Variants in TANC2 observed in about 807,000 individuals in gnomAD.
TANC2 encodes protein TANC2.
TANC2 carries 26 observed loss-of-function variants against 210.5 expected under a neutral mutation model. That is an observed-to-expected ratio of 0.12 (90% CI 0.09 to 0.17). TANC2 has a LOEUF of 0.17. Ranked by LOEUF, TANC2 falls within the 10% of genes least tolerant of loss-of-function variation. The pLI is 1.00. For synonymous variants in TANC2, 931 were observed against 967.1 expected, an observed-to-expected ratio of 0.96 and a Z score of 0.69; for missense variants, 2,129 against 2,608.9, an observed-to-expected ratio of 0.82 and a Z score of 4.01.
At chr17:63,132,210 G>A (rs2038942562) in intron 4 of TANC2, among the ~76,000 whole-genome samples, 1 of 151,734 alleles carries the variant, frequency 6.6e-6, no homozygotes, top group South Asian at 2.1e-4. Context: ...ATATTTTGCA[G>A]CACTGCTTCT....
intron 26 of TANC2, among the ~76,000 whole-genome samples, chr17:63,416,872 A>G (rs531174767): frequency 1.2e-3 from 184 of 152,314 alleles, no homozygotes; most frequent in South Asian, 2.1e-3. Context: ...ACAGATTTTC[A>G]TGCTCTTGGG....
At chr17:63,259,887 A>G (rs2043306121) in intron 8 of TANC2, among the ~76,000 whole-genome samples, 1 of 152,098 alleles carries the variant, frequency 6.6e-6, no homozygotes, top group Admixed American at 6.5e-5. Context: ...TTATTTTCTT[A>G]TGAAAAATAG....
chr17:63,047,384 T>G (rs1274273167), intron 2 of TANC2, among the ~76,000 whole-genome samples: 1 of 152,146 alleles, frequency 6.6e-6, no homozygotes, highest in Non-Finnish European at 1.5e-5. Context: ...CAGTTATTTG[T>G]GGATATATGT....
At chr17:63,101,650 A>G (rs996758972) in intron 4 of TANC2, among the ~76,000 whole-genome samples, 1 of 152,212 alleles carries the variant, frequency 6.6e-6, no homozygotes, top group South Asian at 2.1e-4. Context: ...GCCTTCAAGG[A>G]TTTTATATTT....
intron 3 of TANC2, among the ~76,000 whole-genome samples, chr17:63,098,266 G>C (rs1448758283): frequency 6.6e-6 from 1 of 151,956 alleles, no homozygotes. Flanking sequence ...ATGCAAAACT[G>C]TCTTAATTTA....
chr17:63,312,359 T>C (rs1293033555), intron 9 of TANC2, among the ~76,000 whole-genome samples: 1 of 152,196 alleles, frequency 6.6e-6, no homozygotes, highest in Non-Finnish European at 1.5e-5. Flanking sequence ...GTGGTGCATA[T>C]GCACCATGGA....
chr17:62,972,940 A>G (rs769239878), intron 1 of TANC2, among the ~76,000 whole-genome samples: 3 of 152,076 alleles, frequency 2.0e-5, no homozygotes, highest in African/African-American at 7.2e-5. Flanking sequence ...TTCCGAGTGA[A>G]GAAGGTTTTG....
intron 9 of TANC2, among the ~76,000 whole-genome samples, chr17:63,283,867 C>G (rs2044139632): frequency 6.6e-6 from 1 of 151,854 alleles, no homozygotes; most frequent in Non-Finnish European, 1.5e-5. Context: ...CTTATGAGTT[C>G]TAATGACTTT....
At chr17:63,047,518 C>G (rs2035429295) in intron 2 of TANC2, among the ~76,000 whole-genome samples, 1 of 152,006 alleles carries the variant, frequency 6.6e-6, no homozygotes, top group Non-Finnish European at 1.5e-5. Flanking sequence ...ATGGGGAGCT[C>G]TGTTGGAGAG....
intron 3 of TANC2, chr17:63,088,639 G>A (rs2037065281): frequency 6.6e-6 from 1 of 152,192 alleles, no homozygotes; most frequent in African/African-American, 2.4e-5. Flanking sequence ...CACAGTCTTT[G>A]TGTTGAGTTT....
intron 9 of TANC2, among the ~76,000 whole-genome samples, chr17:63,299,032 C>G (rs2044625501): frequency 6.6e-6 from 1 of 152,174 alleles, no homozygotes; most frequent in Non-Finnish European, 1.5e-5. Context: ...GTTTGGTTTT[C>G]TGTTCCTGTG....
chr17:63,370,176 T>C (rs1291932499), intron 14 of TANC2, among the ~76,000 whole-genome samples: 1 of 147,850 alleles, frequency 6.8e-6, no homozygotes, highest in Non-Finnish European at 1.5e-5. Flanking sequence ...TCCTTTCTTT[T>C]TTTTTCTTTT....
intron 11 of TANC2, among the ~76,000 whole-genome samples, chr17:63,336,496 T>A (rs1363949942): frequency 6.6e-6 from 1 of 152,234 alleles, no homozygotes; most frequent in Non-Finnish European, 1.5e-5. Flanking sequence ...TTATGACTAG[T>A]TTTATCATTT....
At chr17:63,363,681 T>C (rs2047028893) in intron 14 of TANC2, among the ~76,000 whole-genome samples, 1 of 152,222 alleles carries the variant, frequency 6.6e-6, no homozygotes, top group Admixed American at 6.5e-5. Context: ...GATGTATGAA[T>C]TTATTTCTAG....
intron 11 of TANC2, among the ~76,000 whole-genome samples, chr17:63,319,478 G>A (rs938584788): frequency 5.3e-5 from 8 of 152,138 alleles, no homozygotes; most frequent in African/African-American, 1.9e-4. Flanking sequence ...CTGAGTAGCT[G>A]TAGCTGGGAC....
chr17:63,312,059 A>G (rs1465629860), intron 9 of TANC2, among the ~76,000 whole-genome samples: 1 of 152,226 alleles, frequency 6.6e-6, no homozygotes, highest in Non-Finnish European at 1.5e-5. Context: ...ACTGAATTGT[A>G]TATTTTAAAA....
intron 8 of TANC2, among the ~76,000 whole-genome samples, chr17:63,238,760 G>A (rs1278108750): frequency 6.6e-6 from 1 of 152,140 alleles, no homozygotes; most frequent in African/African-American, 2.4e-5. Context: ...GTTCCACACA[G>A]CTGGGGAAGC....
At chr17:63,398,744 C>A in intron 18 of TANC2, 77 bp from the exon 19 acceptor site, 1 of 976,058 alleles carries the variant, frequency 1.0e-6, no homozygotes, top group Non-Finnish European at 1.6e-6. Context: ...ATCCAAGCAT[C>A]TTCCAAACCT....
intron 12 of TANC2, among the ~76,000 whole-genome samples, chr17:63,344,387 T>TG (rs1296488797): frequency 6.6e-6 from 1 of 152,156 alleles, no homozygotes. Context: ...CAAAAATACA[T>TG]GTAGTGAAAT....
Sources: gnomAD v4.1 joint callset for allele counts (sites outside exome capture counted in the v4.1 genomes callset) on GRCh38, gnomAD v4.1.1 for gene constraint, MANE v1.5 for transcripts, NCBI Gene and HGNC (gene_info 2026-07-23, HGNC 2026-07-21) for gene names.